Variants in RIC1 observed in about 807,000 individuals in gnomAD.
RIC1 encodes the protein RIC1 partner of RAB6A GEF complex.
A neutral mutation model predicts 169.0 loss-of-function variants in RIC1; 88 were observed. The observed-to-expected ratio is 0.52, with a 90% CI of 0.44 to 0.62. The LOEUF is 0.62. Ranked by LOEUF, RIC1 falls within the 20% of genes least tolerant of loss-of-function variation. RIC1 has a pLI of 0.00. For synonymous variants in RIC1, 790 were observed against 601.5 expected (o/e 1.31, Z -4.59); for missense variants, 1,877 against 1,725.5 (o/e 1.09, Z -1.56).
intron 2 of RIC1, among the ~76,000 whole-genome samples, chr9:5,680,230 G>C (rs912972599): frequency 3.9e-5 from 6 of 152,134 alleles, no homozygotes; most frequent in African/African-American, 1.4e-4. Context: ...ATGTGCTGCT[G>C]GATTCAGTTT....
intron 21 of RIC1, among the ~76,000 whole-genome samples, chr9:5,766,826 T>C (rs1826797388): frequency 6.6e-6 from 1 of 152,254 alleles, no homozygotes; most frequent in Non-Finnish European, 1.5e-5. Context: ...AGTATCTTTT[T>C]TGAATGACTT....
chr9:5,673,283 A>G (rs1330143400), intron 2 of RIC1, among the ~76,000 whole-genome samples: 1 of 152,054 alleles, frequency 6.6e-6, no homozygotes, highest in Non-Finnish European at 1.5e-5. Context: ...ATGAAGAGCC[A>G]ATAAAAATGA....
chr9:5,732,549 C>T, intron 7 of RIC1, 70 bp downstream of exon 7: 1 of 927,796 alleles, frequency 1.1e-6, no homozygotes, highest in Non-Finnish European at 1.7e-6. Flanking sequence ...TTTTTGTAAA[C>T]ATAAGATGTT....
chr9:5,760,823 A>T (rs1826282609), intron 17 of RIC1, among the ~76,000 whole-genome samples: 1 of 152,220 alleles, frequency 6.6e-6, no homozygotes, highest in African/African-American at 2.4e-5. Flanking sequence ...TAGAATATAT[A>T]GGGTGGCTGC....
At chr9:5,649,117 G>A (rs1167477631) in intron 1 of RIC1, among the ~76,000 whole-genome samples, 2 of 151,880 alleles carry the variant, frequency 1.3e-5, no homozygotes, top group Admixed American at 6.6e-5. Flanking sequence ...CCTGGCAACA[G>A]AGATAGACCC....
chr9:5,713,728 T>C, intron 3 of RIC1, 168 bp from the exon 4 acceptor site: 1 of 447,386 alleles, frequency 2.2e-6, no homozygotes, highest in Non-Finnish European at 4.1e-6. Context: ...GATAAGTAGA[T>C]AATGTCTGCT....
chr9:5,631,988 A>G (rs952832666), intron 1 of RIC1, among the ~76,000 whole-genome samples: 1 of 152,206 alleles, frequency 6.6e-6, no homozygotes, highest in South Asian at 2.1e-4. Context: ...AAAAGTTCTC[A>G]TGGAGCTGCT....
At chr9:5,720,444 T>C (rs1823516481) in intron 5 of RIC1, 120 bp downstream of exon 5, 1 of 1,184,428 alleles carries the variant, frequency 8.4e-7, no homozygotes, top group African/African-American at 1.5e-5. Flanking sequence ...GTGGGCAGAG[T>C]ATGAGAGGCG....
In RIC1 at chr9:5,763,038, A is replaced by C; in HGVS notation, c.2113-102A>C. The C allele has an allele frequency of 7.2e-7, 1 of 1,382,214 alleles. No individual in the cohort carries two copies. Among genetic ancestry groups the C allele is most frequent in the Non-Finnish European group, 9.7e-7 (1 of 1,028,148 alleles). 85.6% of individuals were successfully genotyped at this position (1,382,214 alleles called of 1,614,324 possible). On this transcript the variant is annotated intron_variant, in intron 18 of 25. Coordinates refer to ENST00000414202, the MANE Select transcript of RIC1 (RefSeq NM_020829.4). The surrounding 1 kb of genome is among the most constrained non-coding windows in gnomAD (Gnocchi z 5.2). ...ATCCCTTTGCTTTTCCCAAAAAAATATTATACTATCATTTGAAAGACTTAG... is the reference window on the plus strand; with the variant it reads ...ATCCCTTTGCTTTTCCCAAAAAAATCTTATACTATCATTTGAAAGACTTAG...
intron 2 of RIC1, among the ~76,000 whole-genome samples, chr9:5,663,881 G>A (rs1819599726): frequency 6.6e-6 from 1 of 152,104 alleles, no homozygotes. Context: ...GCAGACTTAT[G>A]TGGTTCCTTC....
At chr9:5,669,682 A>G (rs1222190235) in intron 2 of RIC1, among the ~76,000 whole-genome samples, 4 of 152,234 alleles carry the variant, frequency 2.6e-5, no homozygotes, top group African/African-American at 9.6e-5. Flanking sequence ...ATCGCAGTAT[A>G]TATAGGGAAC....
At chr9:5,653,097 G>T (rs968844748) in intron 1 of RIC1, among the ~76,000 whole-genome samples, 1 of 152,140 alleles carries the variant, frequency 6.6e-6, no homozygotes, top group Admixed American at 6.6e-5. Context: ...CTACCATTTT[G>T]TTGAGGACTT....
chr9:5,772,946 A>G lies in RIC1; in HGVS notation c.3849A>G (p.Ile1283Met). The change falls in exon 25 of 26, where the codon ATA (isoleucine) becomes ATG (methionine). Residue 1283 changes from isoleucine to methionine, a missense_variant. Ile to Met is a conservative substitution (Grantham distance 10). Around this residue, in one of 3 missense-constraint regions of RIC1, gnomAD observed 681 missense variants for 582.0 expected, o/e 1.17. Transcript: ENST00000414202. ...EAGCLDWCIV[I>M]GLILRESSII... ...GGTGCCTAGACTGGTGCATCGTTAT[A>G]GGCCTGATTCTTAGAGAATCCTCAA... 6.2e-7 allele frequency: 1 copy of G among 1,613,868 alleles called. No individual in the cohort carries two copies. The highest frequency in any genetic ancestry group is 1.7e-5 in the Admixed American group (1 of 59,998).
intron 2 of RIC1, among the ~76,000 whole-genome samples, chr9:5,669,385 T>C (rs1819962275): frequency 6.6e-6 from 1 of 152,268 alleles, no homozygotes; most frequent in South Asian, 2.1e-4. Flanking sequence ...CGTAGGATGT[T>C]TGGTTTTCCA....
At chr9:5,692,117 T>C (rs1431127127) in intron 3 of RIC1, among the ~76,000 whole-genome samples, 1 of 152,104 alleles carries the variant, frequency 6.6e-6, no homozygotes, top group Non-Finnish European at 1.5e-5. Flanking sequence ...TTTTACTATA[T>C]TGAAAGTTTT....
At chr9:5,687,520 C>T (rs971145016) in intron 2 of RIC1, among the ~76,000 whole-genome samples, 7 of 151,994 alleles carry the variant, frequency 4.6e-5, no homozygotes, top group African/African-American at 2.4e-5. Flanking sequence ...TAGCAGCATC[C>T]CACAAATTTT....
intron 1 of RIC1, among the ~76,000 whole-genome samples, chr9:5,644,989 A>G (rs943010418): frequency 2.6e-5 from 4 of 152,084 alleles, no homozygotes; most frequent in Admixed American, 1.3e-4. Context: ...GTTTGGCATG[A>G]TTTCATTTGC....
rs1351046449 is a variant in RIC1, at chr9:5,629,342, G to C, written c.33G>C (p.Leu11=). 1.3e-6 allele frequency: 2 copies of C among 1,532,598 alleles called. No individual in the cohort carries two copies. Among genetic ancestry groups the C allele is most frequent in the Non-Finnish European group, 1.7e-6 (2 of 1,145,724 alleles). The allele number at this position is 1,532,598 out of a possible 1,614,324, so 94.9% of individuals were successfully genotyped here. The change falls in exon 1 of 26, where the codon CTG becomes CTC. Residue 11 remains leucine (L), a synonymous_variant. Coordinates refer to ENST00000414202, the MANE Select transcript of RIC1 (RefSeq NM_020829.4). MYFLSGWPKR[L]LCPLGSPAEA... Reference sequence around the variant, plus strand: ...TTCTGAGCGGCTGGCCCAAGAGGCTGCTGTGCCCTCTGGGGAGCCCGGCCG... The same window carrying C: ...TTCTGAGCGGCTGGCCCAAGAGGCTCCTGTGCCCTCTGGGGAGCCCGGCCG...
At chr9:5,696,345 C>G (rs1057197052) in intron 3 of RIC1, among the ~76,000 whole-genome samples, 1 of 152,014 alleles carries the variant, frequency 6.6e-6, no homozygotes, top group Non-Finnish European at 1.5e-5. Flanking sequence ...ATCGAACCCA[C>G]AATTCCTATT....
Sources: allele counts gnomAD v4.1 joint callset (sites outside exome capture counted in the v4.1 genomes callset), GRCh38; gene constraint gnomAD v4.1.1; regional missense constraint gnomAD v4.1.1; non-coding constraint Gnocchi (gnomAD v3.1); transcripts MANE v1.5; gene names NCBI Gene and HGNC (gene_info 2026-07-23, HGNC 2026-07-21).